DIS3: variants seen among roughly 807,000 people sequenced by gnomAD.
DIS3 encodes the protein DIS3 exosome endoribonuclease and 3'-5' exoribonuclease, also known as exosome complex exonuclease RRP44.
Under a neutral mutation model 113.0 loss-of-function variants are expected in DIS3, and 103 were observed. That is an observed-to-expected ratio of 0.91 (90% confidence interval 0.78 to 1.07). The LOEUF is 1.07. DIS3 is among the 50% of genes least tolerant of loss of function. DIS3 has a pLI of 0.00. For synonymous variants in DIS3, 402 were observed against 394.3 expected (o/e 1.02, Z -0.23); for missense variants, 1,121 against 1,167.1 (o/e 0.96, Z 0.58).
Position 72,754,042 on chromosome 13 carries a change from T to C in DIS3, c.*5753A>G, listed in dbSNP as rs963084307. On this transcript the variant is annotated 3_prime_UTR_variant, in exon 21 of 21. Coordinates refer to ENST00000377767, the MANE Select transcript of DIS3 (RefSeq NM_014953.5). Reference sequence around the variant, plus strand: ...GTGTGCAAAGGTAGCGTGTATTTGATGAGGGCATTTACTGAACCTTCCAGG... The same window carrying C: ...GTGTGCAAAGGTAGCGTGTATTTGACGAGGGCATTTACTGAACCTTCCAGG... 13 of 436,638 alleles carry C rather than the reference T, an allele frequency of 3.0e-5. No individual in the cohort carries two copies. The highest frequency in any genetic ancestry group is 2.2e-4 in the African/African-American group (11 of 49,478). 27.0% of individuals were successfully genotyped at this position (436,638 alleles called of 1,614,324 possible). A position where few individuals can be genotyped will look rare whatever the true frequency, so the allele number is the denominator to read the frequency against.
At chr13:72,773,852 CAA>C (rs759722691) in intron 7 of DIS3, 31 bp from the exon 8 acceptor site, 1 of 1,592,680 alleles carries the variant, frequency 6.3e-7, no homozygotes, top group African/African-American at 1.4e-5. Context: ...AGATTTTACA[CAA>C]AAAAAATCTG....
chr13:72,772,048 T>C (rs2033898273), intron 10 of DIS3, 111 bp downstream of exon 10: 11 of 1,203,974 alleles, frequency 9.1e-6, no homozygotes, highest in Non-Finnish European at 1.3e-5. Flanking sequence ...AGCGTGCAGC[T>C]ACAATTATAC....
chr13:72,775,804 T>C (rs901863678), intron 5 of DIS3, 121 bp downstream of exon 5: 3 of 868,776 alleles, frequency 3.5e-6, no homozygotes, highest in Non-Finnish European at 3.3e-6. Context: ...AAAAAGTTAC[T>C]ATTTGCTTTA....
chr13:72,781,694 C>T lies in DIS3; in HGVS notation c.139G>A (p.Ala47Thr), dbSNP rs934539972. Reference sequence around the variant, plus strand: ...GGGTCCTGGGGCTGCGGCTCCAGGGCCGGCCCCTCGTGCGCCCCTCCACAC... The same window carrying T: ...GGGTCCTGGGGCTGCGGCTCCAGGGTCGGCCCCTCGTGCGCCCCTCCACAC... ...AACGGAHEGPALEPQPQDPAS... is the reference protein window; with the variant it reads ...AACGGAHEGPTLEPQPQDPAS... The change falls in exon 1 of 21, where the codon GCC (alanine) becomes ACC (threonine). Residue 47 changes from alanine (A) to threonine (T), a missense_variant. By Grantham distance (58) the Ala-to-Thr change is moderately conservative. Transcript: ENST00000377767. The T allele has an allele frequency of 7.7e-6, 12 of 1,558,342 alleles. No individual in the cohort carries two copies. The highest frequency in any genetic ancestry group is 1.0e-5 in the Non-Finnish European group (12 of 1,152,384).
In DIS3 at chr13:72,776,234, T is replaced by C. The variant is rs568095851; in HGVS notation, c.655-142A>G. ...ATAGGAGAGAAGATAGCAGTGTTTC[T>C]TATAGGCCAGTGCTAACAAAAACAG... is the stretch of plus-strand genomic sequence containing the variant. On this transcript the variant is annotated intron_variant, in intron 4 of 20. Coordinates refer to ENST00000377767, the MANE Select transcript of DIS3 (RefSeq NM_014953.5). The C allele has an allele frequency of 1.9e-4, 149 of 777,398 alleles. No homozygotes were observed. In the Middle Eastern group the frequency reaches 5.0e-3, roughly 26 times the overall value. The allele number at this position is 777,398 out of a possible 1,614,324, so 48.2% of individuals were successfully genotyped here. A position where few individuals can be genotyped will look rare whatever the true frequency, so the allele number is the denominator to read the frequency against.
At chr13:72,777,299 A>G (rs2034038815) in intron 4 of DIS3, 121 bp downstream of exon 4, 2 of 891,502 alleles carry the variant, frequency 2.2e-6, no homozygotes, top group South Asian at 3.2e-5. Context: ...TTATAACACA[A>G]CTATTCCAAA....
At position 72,775,880 on chromosome 13, in the gene DIS3, TATC is replaced by T. The variant is rs200762498; in HGVS notation, c.822+42_822+44del. ...CATTAAGTGTTCATAATATATAAAATATCATCTTTATTTTAGTGTATAAGGAAT... is the reference window on the plus strand; with the variant it reads ...CATTAAGTGTTCATAATATATAAAATATCTTTATTTTAGTGTATAAGGAAT... On this transcript the variant is annotated intron_variant, in intron 5 of 20. Transcript: ENST00000377767. The T allele has an allele frequency of 1.0e-3, 1,455 of 1,455,694 alleles. 24 individuals are homozygous for T. The African/African-American group carries it at 0.018, about 18-fold the overall frequency. The allele number at this position is 1,455,694 out of a possible 1,614,324, so 90.2% of individuals were successfully genotyped here.
chr13:72,762,514 G>T (rs189501778), intron 16 of DIS3, among the ~76,000 whole-genome samples: 1 of 152,172 alleles, frequency 6.6e-6, no homozygotes, highest in East Asian at 1.9e-4. Flanking sequence ...CATGCATGCC[G>T]TAAAGGTCTG....
In DIS3 at chr13:72,760,624, C is replaced by A; in HGVS notation, c.2698G>T (p.Val900Leu). 1 of 1,612,552 alleles carries A rather than the reference C, an allele frequency of 6.2e-7. No individual in the cohort carries two copies. Among genetic ancestry groups the A allele is most frequent in the Non-Finnish European group, 8.5e-7 (1 of 1,178,940 alleles). The change falls in exon 20 of 21, where the codon GTG (valine) becomes TTG (leucine). Residue 900 changes from valine to leucine, a missense_variant. Val to Leu is a conservative substitution (Grantham distance 32, BLOSUM62 1). Around this residue, in one of 3 missense-constraint regions of DIS3, gnomAD observed 861 missense variants for 915.5 expected, o/e 0.94. Transcript: ENST00000377767. ...EIPSLKIEDTVFHVFDKVKVK... is the reference protein window; with the variant it reads ...EIPSLKIEDTLFHVFDKVKVK... ...TTAACTTTATCAAATACATGGAACA[C>A]TGTATCTTCTATTTTAAGTGAGGGT... is the stretch of plus-strand genomic sequence containing the variant.
chr13:72,761,370 T>C lies in DIS3; in HGVS notation c.2663A>G (p.Asp888Gly). ...KDKPNPQLIY[D>G]DEIPSLKIED... is the part of the protein sequence containing the mutation. ...ACATGAGAAATACCGTACCTCATCA[T>C]CATAAATAAGCTGTGGGTTTGGTTT... Residue 888 changes from aspartate (D) to glycine (G), a missense_variant, in exon 19 of 21, where the codon GAT becomes GGT. Around this residue, in one of 3 missense-constraint regions of DIS3, gnomAD observed 861 missense variants for 915.5 expected, o/e 0.94. Coordinates refer to ENST00000377767, the MANE Select transcript of DIS3 (RefSeq NM_014953.5). 1 of 1,599,702 alleles carries C rather than the reference T, an allele frequency of 6.3e-7. No homozygotes were observed. Among genetic ancestry groups the C allele is most frequent in the Non-Finnish European group, 8.5e-7 (1 of 1,176,788 alleles).
chr13:72,760,589 G>C lies in DIS3; in HGVS notation c.2733C>G (p.Ile911Met), dbSNP rs755557027. Residue 911 changes from isoleucine to methionine, a missense_variant, in exon 20 of 21, where the codon ATC becomes ATG. Physicochemically the swap from Ile to Met is conservative, Grantham distance 10 (BLOSUM62 1). Around this residue, in one of 3 missense-constraint regions of DIS3, gnomAD observed 861 missense variants for 915.5 expected, o/e 0.94. Coordinates refer to ENST00000377767, the MANE Select transcript of DIS3 (RefSeq NM_014953.5). ...GTTGAAGATTAGATGAGTCTAACAT[G>C]ATTTTCACTTTAACTTTATCAAATA... ...FHVFDKVKVK[I>M]MLDSSNLQHQ... 13 of 1,613,258 alleles carry C rather than the reference G, an allele frequency of 8.1e-6. No individual in the cohort carries two copies. In the African/African-American group the frequency reaches 1.1e-4, roughly 13 times the overall value.
chr13:72,762,284 A>G, intron 16 of DIS3, 147 bp from the exon 17 acceptor site: 1 of 699,444 alleles, frequency 1.4e-6, no homozygotes, highest in Non-Finnish European at 2.4e-6. Flanking sequence ...AGCCAGAAAC[A>G]AAACTGTACT....
At chr13:72,769,424 G>GA (rs1319158029) in intron 13 of DIS3, among the ~76,000 whole-genome samples, 3 of 149,928 alleles carry the variant, frequency 2.0e-5, no homozygotes, top group African/African-American at 7.3e-5. Flanking sequence ...AATCCCCAAT[G>GA]AAAAATAACC....
chr13:72,762,048 C>A lies in DIS3; in HGVS notation c.2217G>T (p.Leu739=), dbSNP rs150519869. ...TACAGCGAGTGGCTAATATTCTCAACAGAGTGTTTAGATATGGAAAAGTAG... is the reference window on the plus strand; with the variant it reads ...TACAGCGAGTGGCTAATATTCTCAAAAGAGTGTTTAGATATGGAAAAGTAG... ...ESPTFPYLNT[L]LRILATRCMM... The change falls in exon 17 of 21, where the codon CTG becomes CTT. Residue 739 remains leucine, a synonymous_variant. Transcript: ENST00000377767. 1.1e-4 allele frequency: 170 copies of A among 1,613,996 alleles called. No homozygotes were observed. The highest frequency in any genetic ancestry group is 1.3e-4 in the Non-Finnish European group (159 of 1,180,040).
intron 15 of DIS3, among the ~76,000 whole-genome samples, chr13:72,765,329 G>A (rs2033718961): frequency 6.6e-6 from 1 of 152,078 alleles, no homozygotes; most frequent in South Asian, 2.1e-4. Flanking sequence ...TCCAAACCTA[G>A]GGAGTCTGGC....
rs747163138 is a variant in DIS3, at chr13:72,773,934, C to T, written c.1101+12G>A. 1.3e-6 allele frequency: 2 copies of T among 1,587,242 alleles called. No individual in the cohort carries two copies. Among genetic ancestry groups the T allele is most frequent in the South Asian group, 1.1e-5 (1 of 87,472 alleles). On this transcript the variant is annotated intron_variant, in intron 7 of 20. Coordinates refer to ENST00000377767, the MANE Select transcript of DIS3 (RefSeq NM_014953.5). Reference sequence around the variant, plus strand: ...TCATTTTTTTATTACATAGTAAATGCTCTTTACTCACCTCCTTAATGTCAG... The same window carrying T: ...TCATTTTTTTATTACATAGTAAATGTTCTTTACTCACCTCCTTAATGTCAG...
At position 72,756,077 on chromosome 13, in the gene DIS3, G is replaced by A. The variant is rs2033461183; in HGVS notation, c.*3718C>T. ...TTTTTAAAAAACTTATATCCATGTT[G>A]GGAGTAGATGGGTATATAACAGTTT... is the stretch of plus-strand genomic sequence containing the variant. On this transcript the variant is annotated 3_prime_UTR_variant, in exon 21 of 21. Transcript: ENST00000377767. The A allele has an allele frequency of 2.5e-6, 1 of 395,436 alleles. No homozygotes were observed. The highest frequency in any genetic ancestry group is 4.4e-6 in the Non-Finnish European group (1 of 224,754). 24.5% of individuals were successfully genotyped at this position (395,436 alleles called of 1,614,324 possible). A position where few individuals can be genotyped will look rare whatever the true frequency, so the allele number is the denominator to read the frequency against.
At position 72,768,872 on chromosome 13, in the gene DIS3, G is replaced by T; in HGVS notation, c.1796C>A (p.Ser599Ter). Residue 599 changes from serine to a stop codon, truncating the protein, a stop_gained, in exon 14 of 21, where the codon TCA (serine) becomes TAA (stop). Transcript: ENST00000377767. LOFTEE classifies it high-confidence loss of function. The stretch of plus-strand genomic sequence containing the variant: ...GGTAATATCATCATTCATGTTTGCT[G>T]AATCAATTCTCAACTGAGCTTCAGC... ...TYAEAQLRID[S>*]ANMNDDITTS... 1 of 1,604,752 alleles carries T rather than the reference G, an allele frequency of 6.2e-7. No individual in the cohort carries two copies. The highest frequency in any genetic ancestry group is 8.5e-7 in the Non-Finnish European group (1 of 1,172,236).
rs1566247541 is a variant in DIS3 at position 72,772,799 on chromosome 13, T to C, written c.1280A>G (p.Glu427Gly). 1 of 1,612,194 alleles carries C rather than the reference T, an allele frequency of 6.2e-7. No homozygotes were observed. Among genetic ancestry groups the C allele is most frequent in the African/African-American group, 1.3e-5 (1 of 74,860 alleles). The part of the protein sequence containing the change: ...VRNLGDVGEK[E>G]TETEVLLLEH... ...AAGTAACAAAACTTCTGTTTCAGTC[T>C]CTTTCTCTCCAACATCACCTAAATT... is the stretch of plus-strand genomic sequence containing the variant. The change falls in exon 9 of 21, where the codon GAG becomes GGG. Residue 427 changes from glutamate (E) to glycine (G), a missense_variant. This residue lies in a region of DIS3 where 861 missense variants were observed against 915.5 expected (regional missense o/e 0.94). Coordinates refer to ENST00000377767, the MANE Select transcript of DIS3 (RefSeq NM_014953.5).
Sources: gnomAD v4.1 joint callset for allele counts (sites outside exome capture counted in the v4.1 genomes callset) on GRCh38, gnomAD v4.1.1 for gene constraint, gnomAD v4.1.1 regional missense constraint, MANE v1.5 for transcripts, NCBI Gene and HGNC (gene_info 2026-07-23, HGNC 2026-07-21) for gene names.